The following ATP9A variants were observed in gnomAD, a reference collection of about 807,000 sequenced individuals.
ATP9A encodes the protein ATPase phospholipid transporting 9A, also known as probable phospholipid-transporting ATPase IIA.
Under a neutral mutation model 144.1 loss-of-function variants are expected in ATP9A, and 52 were observed. The ratio of observed to expected loss-of-function variants is 0.36; its 90% CI spans 0.29 to 0.45. The LOEUF (loss-of-function observed/expected upper bound fraction) is 0.45. ATP9A is among the 20% of genes least tolerant of loss of function. ATP9A has a pLI of 1.00. For synonymous variants in ATP9A, 582 were observed against 557.4 expected, an observed-to-expected ratio of 1.04 and a Z score of -0.62; for missense variants, 947 against 1,392.7, an observed-to-expected ratio of 0.68 and a Z score of 5.09.
chr20:51,764,676 C>T (rs765604494), intron 1 of ATP9A, among the ~76,000 whole-genome samples: 8 of 152,050 alleles, frequency 5.3e-5, no homozygotes, highest in African/African-American at 7.2e-5. Context: ...TCCAAGACCA[C>T]GAACACATTA....
At chr20:51,653,002 G>A (rs1161396489) in intron 14 of ATP9A, among the ~76,000 whole-genome samples, 2 of 151,682 alleles carry the variant, frequency 1.3e-5, no homozygotes, top group Non-Finnish European at 2.9e-5. Flanking sequence ...CCCAGCTGCT[G>A]GGGAGACTGA....
At position 51,763,314 on chromosome 20, in the gene ATP9A, C is replaced by CTTT. The variant is rs199506194; in HGVS notation, c.68+4985_68+4987dup. Among the ~76,000 whole-genome samples the CTTT allele has an allele frequency of 2.0e-3, 271 of 135,170 alleles. 3 individuals carry two copies. The highest frequency in any genetic ancestry group is 6.1e-3 in the African/African-American group (222 of 36,276). 88.7% of individuals were successfully genotyped at this position (135,170 alleles called of 152,430 possible). ...TTTTTTTTAATCAATGGTTTACATA[C>CTTT]TTTTTTTTTTTTTTTTGAGATGGAG... On this transcript the variant is annotated intron_variant, in intron 1 of 27. Transcript: ENST00000338821.
Position 51,723,748 on chromosome 20 carries a change from G to A in ATP9A, c.327+2071C>T, listed in dbSNP as rs1010890886. 5.4e-4 allele frequency among the ~76,000 whole-genome samples: 82 copies of A among 151,700 alleles called. 1 individual carries two copies. Among genetic ancestry groups the A allele is most frequent in the Non-Finnish European group, 5.9e-4 (40 of 67,982 alleles). Reference sequence around the variant, plus strand: ...ATTTTTGTATTTTTAATAGAGACAGGGTTTCACCATGTTGGCCAGGATGGT... The same window carrying A: ...ATTTTTGTATTTTTAATAGAGACAGAGTTTCACCATGTTGGCCAGGATGGT... On this transcript the variant is annotated intron_variant, in intron 3 of 27. Coordinates refer to ENST00000338821, the MANE Select transcript of ATP9A (RefSeq NM_006045.3).
chr20:51,704,579 A>G (rs1318940837), intron 4 of ATP9A, among the ~76,000 whole-genome samples: 1 of 152,046 alleles, frequency 6.6e-6, no homozygotes, highest in African/African-American at 2.4e-5. Context: ...TCAGGAGTTC[A>G]AGACCAGCCT....
intron 1 of ATP9A, among the ~76,000 whole-genome samples, chr20:51,757,324 C>G (rs1733685153): frequency 1.3e-5 from 2 of 152,154 alleles, no homozygotes; most frequent in South Asian, 4.1e-4. Flanking sequence ...GGCCCCAAGC[C>G]TGACTTTATC....
chr20:51,726,958 G>A (rs929056289), intron 2 of ATP9A, among the ~76,000 whole-genome samples: 8 of 139,706 alleles, frequency 5.7e-5, no homozygotes, highest in Non-Finnish European at 1.2e-4. Context: ...AGGTTTTTGC[G>A]GAAAATGCTT....
At position 51,751,680 on chromosome 20, in the gene ATP9A, C is replaced by T. The variant is rs566234837; in HGVS notation, c.68+16622G>A. Among the ~76,000 whole-genome samples the T allele has an allele frequency of 3.7e-3, 564 of 151,062 alleles. 4 individuals carry two copies. Among genetic ancestry groups the T allele is most frequent in the African/African-American group, 0.012 (490 of 41,104 alleles). ...TCGGCTCACTGCAAGCTCCGCCTCC[C>T]GGGTTCACGCCATTCTCCTGCCTCA... On this transcript the variant is annotated intron_variant, in intron 1 of 27. Transcript: ENST00000338821.
At chr20:51,731,826 A>G (rs1272978163) in intron 1 of ATP9A, among the ~76,000 whole-genome samples, 1 of 152,082 alleles carries the variant, frequency 6.6e-6, no homozygotes, top group African/African-American at 2.4e-5. Context: ...TCCAAAGCCT[A>G]GTGTCTTTTC....
intron 22 of ATP9A, among the ~76,000 whole-genome samples, chr20:51,617,056 C>G (rs1355980703): frequency 6.6e-6 from 1 of 150,808 alleles, no homozygotes; most frequent in Non-Finnish European, 1.5e-5. Context: ...ATTCTCCTAT[C>G]TCAGCCTCCC....
intron 9 of ATP9A, among the ~76,000 whole-genome samples, chr20:51,682,777 GAGGCGGGGT>G (rs1488338912): frequency 6.8e-6 from 1 of 147,484 alleles, no homozygotes; most frequent in Non-Finnish European, 1.5e-5. Flanking sequence ...ATTTTTAGTA[GAGGCGGGGT>G]TTTACCATGT....
intron 1 of ATP9A, among the ~76,000 whole-genome samples, chr20:51,746,666 C>T (rs761302884): frequency 5.3e-5 from 8 of 152,174 alleles, no homozygotes; most frequent in South Asian, 4.1e-4. Context: ...AGTGAAACCT[C>T]GTCTCTACTA....
chr20:51,725,626 A>G (rs1356441154), intron 3 of ATP9A, among the ~76,000 whole-genome samples, 193 bp downstream of exon 3: 1 of 152,240 alleles, frequency 6.6e-6, no homozygotes, highest in Non-Finnish European at 1.5e-5. Context: ...AGGCTTTGCT[A>G]TAGTTTGATC....
intron 13 of ATP9A, among the ~76,000 whole-genome samples, chr20:51,664,081 C>T (rs7268326): frequency 1.3e-5 from 2 of 152,018 alleles, no homozygotes; most frequent in African/African-American, 4.8e-5. Context: ...GTGGCATGAT[C>T]TCAGCTCACT....
intron 1 of ATP9A, among the ~76,000 whole-genome samples, chr20:51,759,520 A>T (rs1205855667): frequency 6.6e-6 from 1 of 152,072 alleles, no homozygotes; most frequent in African/African-American, 2.4e-5. Context: ...TAAAACCACA[A>T]AAATTAGCTA....
At chr20:51,662,634 C>G (rs978055397) in intron 13 of ATP9A, among the ~76,000 whole-genome samples, 4 of 151,052 alleles carry the variant, frequency 2.6e-5, no homozygotes, top group Admixed American at 2.0e-4. Context: ...TATGTGAGTT[C>G]CTCACTTGTC....
intron 7 of ATP9A, among the ~76,000 whole-genome samples, chr20:51,691,047 G>A (rs536303707): frequency 5.3e-5 from 8 of 152,242 alleles, no homozygotes; most frequent in African/African-American, 1.4e-4. Flanking sequence ...GAAGACCCTC[G>A]TTTCTCTGTT....
intron 11 of ATP9A, 50 bp from the exon 12 acceptor site, chr20:51,671,307 C>T: frequency 6.3e-7 from 1 of 1,581,848 alleles, no homozygotes; most frequent in Non-Finnish European, 8.7e-7. Flanking sequence ...TGTAAGGCTC[C>T]TTGTATCTTT....
At chr20:51,715,668 C>T (rs1199499923) in intron 3 of ATP9A, among the ~76,000 whole-genome samples, 1 of 152,278 alleles carries the variant, frequency 6.6e-6, no homozygotes, top group African/African-American at 2.4e-5. Flanking sequence ...CTAGGGGCCA[C>T]GCCATGCCTT....
At chr20:51,746,428 G>A (rs1348178335) in intron 1 of ATP9A, among the ~76,000 whole-genome samples, 2 of 152,236 alleles carry the variant, frequency 1.3e-5, no homozygotes, top group African/African-American at 4.8e-5. Context: ...GCTGGGCACG[G>A]TGGCTCACGC....
Sources: gnomAD v4.1 joint callset for allele counts (sites outside exome capture counted in the v4.1 genomes callset) on GRCh38, gnomAD v4.1.1 for gene constraint, MANE v1.5 for transcripts, NCBI Gene and HGNC (gene_info 2026-07-23, HGNC 2026-07-21) for gene names.